Variants in ZC3H7B observed in about 807,000 individuals in gnomAD.
ZC3H7B encodes the protein zinc finger CCCH domain-containing protein 7B.
Under a neutral mutation model 116.0 loss-of-function variants are expected in ZC3H7B, and 35 were observed. The ratio of observed to expected loss-of-function variants is 0.30; its 90% CI spans 0.23 to 0.40. The LOEUF (loss-of-function observed/expected upper bound fraction) is 0.40. Among genes scored for constraint, ZC3H7B ranks in the 10% least tolerant of loss-of-function variants. ZC3H7B has a pLI of 1.00. For missense variants in ZC3H7B, 1,011 were observed against 1,321.5 expected (o/e 0.77, Z 3.64); for synonymous variants, 502 against 545.6 (o/e 0.92, Z 1.11).
In ZC3H7B at chr22:41,338,228, C is replaced by G; in HGVS notation, c.583-85C>G. 2 of 1,436,386 alleles carry G rather than the reference C, an allele frequency of 1.4e-6. No individual in the cohort carries two copies. The highest frequency in any genetic ancestry group is 1.9e-6 in the Non-Finnish European group (2 of 1,043,138). 89.0% of individuals were successfully genotyped at this position (1,436,386 alleles called of 1,614,324 possible). A position where few individuals can be genotyped will look rare whatever the true frequency, so the allele number is the denominator to read the frequency against. On this transcript the variant is annotated intron_variant, in intron 7 of 22. Transcript: ENST00000352645. The surrounding 1 kb of genome is among the most constrained non-coding windows in gnomAD (Gnocchi z 4.5). ...GTGCTCCTCGGTGCTGGGTCAACAG[C>G]ATAGTCACGTGGGGAGGGGCTGGTG...
At chr22:41,314,514 C>T (rs2036156256) in intron 1 of ZC3H7B, among the ~76,000 whole-genome samples, 1 of 151,962 alleles carries the variant, frequency 6.6e-6, no homozygotes, top group African/African-American at 2.4e-5. Flanking sequence ...TCTTGAACTC[C>T]TGGGATCAAG....
At chr22:41,331,326 G>A (rs1209413581) in intron 6 of ZC3H7B, among the ~76,000 whole-genome samples, 2 of 149,250 alleles carry the variant, frequency 1.3e-5, no homozygotes, top group Admixed American at 6.7e-5. Context: ...CGCGGTGGGA[G>A]GATCACGAGG....
rs574749445 is a variant in ZC3H7B, at chr22:41,302,356, G to T, written c.-7+584G>T. On this transcript the variant is annotated intron_variant, in intron 1 of 22. Transcript: ENST00000352645. This position sits in a 1 kb window ranked among gnomAD's most constrained non-coding sequence, Gnocchi z 5.7. ...GCCCGGGGATCCGGGGCCTGCAGCC[G>T]GGCCCGCGGGAAGGGGGCGGCAGGA... Among the ~76,000 whole-genome samples the T allele has an allele frequency of 5.9e-3, 900 of 152,018 alleles. 4 individuals are homozygous for T. The highest frequency in any genetic ancestry group is 0.021 in the African/African-American group (865 of 41,512).
Position 41,359,255 on chromosome 22 carries a change from G to C in ZC3H7B, c.*1826G>C, listed in dbSNP as rs1042493574. ...TCCGTTGTCACCAGCCTTGTTTCTA[G>C]TGTGTATATATGTCGCCCCCGTGAT... On this transcript the variant is annotated 3_prime_UTR_variant, in exon 23 of 23. Coordinates refer to ENST00000352645, the MANE Select transcript of ZC3H7B (RefSeq NM_017590.6). 2 of 152,720 alleles carry C rather than the reference G, an allele frequency of 1.3e-5. No homozygotes were observed. Among genetic ancestry groups the C allele is most frequent in the Non-Finnish European group, 2.9e-5 (2 of 68,102 alleles). The allele number at this position is 152,720 out of a possible 1,614,324, so 9.5% of individuals were successfully genotyped here. A position where few individuals can be genotyped will look rare whatever the true frequency, so the allele number is the denominator to read the frequency against.
chr22:41,344,013 T>C (rs2036555767), intron 13 of ZC3H7B, among the ~76,000 whole-genome samples: 1 of 152,232 alleles, frequency 6.6e-6, no homozygotes, highest in Admixed American at 6.5e-5. Context: ...CTGTTGTCAC[T>C]GTCCTCATTT....
Position 41,360,038 on chromosome 22 carries a change from T to G in ZC3H7B, c.*2609T>G, listed in dbSNP as rs1464058651. On this transcript the variant is annotated 3_prime_UTR_variant, in exon 23 of 23. Coordinates refer to ENST00000352645, the MANE Select transcript of ZC3H7B (RefSeq NM_017590.6). ...TTAAATATTCATAAGGTCTAGTATC[T>G]TGATAATAATGTAGATGTTTTAATA... 1.3e-5 allele frequency: 2 copies of G among 152,528 alleles called. No homozygotes were observed. Among genetic ancestry groups the G allele is most frequent in the Non-Finnish European group, 2.9e-5 (2 of 68,034 alleles). The allele number at this position is 152,528 out of a possible 1,614,324, so 9.4% of individuals were successfully genotyped here. A position where few individuals can be genotyped will look rare whatever the true frequency, so the allele number is the denominator to read the frequency against.
chr22:41,345,094 C>T (rs116986744), intron 13 of ZC3H7B, among the ~76,000 whole-genome samples: 2,108 of 152,282 alleles, frequency 0.014, 25 homozygotes, highest in Non-Finnish European at 0.02. Flanking sequence ...GGATTACAGG[C>T]ATGAGCCACC....
rs1255832424 is a variant in ZC3H7B at position 41,359,606 on chromosome 22, C to T, written c.*2177C>T. The T allele has an allele frequency of 1.3e-5, 2 of 152,192 alleles. No homozygotes were observed. Among genetic ancestry groups the T allele is most frequent in the Non-Finnish European group, 2.9e-5 (2 of 68,096 alleles). 9.4% of individuals were successfully genotyped at this position (152,192 alleles called of 1,614,324 possible). A position where few individuals can be genotyped will look rare whatever the true frequency, so the allele number is the denominator to read the frequency against. On this transcript the variant is annotated 3_prime_UTR_variant, in exon 23 of 23. Transcript: ENST00000352645. ...AGAAGGTGATTTGTATTTGTCTCCC[C>T]GCTGAAAAGAACAGGATTCAAGTCC...
chr22:41,303,773 T>C (rs1342945798), intron 1 of ZC3H7B, among the ~76,000 whole-genome samples: 1 of 152,226 alleles, frequency 6.6e-6, no homozygotes, highest in East Asian at 1.9e-4. Context: ...ATTTTACTTT[T>C]TTGAGACGGA....
chr22:41,347,923 C>T (rs2036608101), intron 14 of ZC3H7B, 144 bp from the exon 15 acceptor site: 3 of 682,614 alleles, frequency 4.4e-6, no homozygotes, highest in Non-Finnish European at 5.2e-6. Context: ...ACCACAGACC[C>T]TGGGATTCCC....
At chr22:41,348,992 C>T in intron 15 of ZC3H7B, 128 bp from the exon 16 acceptor site, 2 of 1,043,566 alleles carry the variant, frequency 1.9e-6, no homozygotes, top group Non-Finnish European at 2.8e-6. Context: ...TCATCCATGG[C>T]CTGGATTTGG....
intron 1 of ZC3H7B, among the ~76,000 whole-genome samples, chr22:41,320,331 CAAAAAAA>C (rs74353356): frequency 1.2e-5 from 1 of 86,450 alleles, no homozygotes. Flanking sequence ...ACTCTGTATC[CAAAAAAA>C]AAAAAAAAAA....
At position 41,346,339 on chromosome 22, in the gene ZC3H7B, A is replaced by G; in HGVS notation, c.1665+131A>G. The G allele has an allele frequency of 3.0e-6, 3 of 990,418 alleles. No homozygotes were observed. Among genetic ancestry groups the G allele is most frequent in the Non-Finnish European group, 4.5e-6 (3 of 669,826 alleles). The allele number at this position is 990,418 out of a possible 1,614,324, so 61.4% of individuals were successfully genotyped here. A position where few individuals can be genotyped will look rare whatever the true frequency, so the allele number is the denominator to read the frequency against. ...GCTGTGGAGGCCTGGTCTTAGAACC[A>G]GTAGGTCCTGGAGGGTCAGTAAGTC... On this transcript the variant is annotated intron_variant, in intron 14 of 22. Transcript: ENST00000352645. This position sits in a 1 kb window ranked among gnomAD's most constrained non-coding sequence, Gnocchi z 5.3.
chr22:41,352,010 G>A (rs1273491510), intron 17 of ZC3H7B, among the ~76,000 whole-genome samples: 3 of 152,078 alleles, frequency 2.0e-5, no homozygotes, highest in African/African-American at 4.8e-5. Context: ...TTTTAAGACC[G>A]TGGGTCTGGG....
chr22:41,325,426 TAGG>T (rs1258383260), intron 2 of ZC3H7B, 135 bp from the exon 3 acceptor site: 11 of 1,138,960 alleles, frequency 9.7e-6, no homozygotes, highest in Non-Finnish European at 1.4e-5. Flanking sequence ...GGCAATGATT[TAGG>T]AGAAGAAAAC....
At chr22:41,322,708 A>C (rs2036272808) in intron 2 of ZC3H7B, among the ~76,000 whole-genome samples, 1 of 152,192 alleles carries the variant, frequency 6.6e-6, no homozygotes, top group African/African-American at 2.4e-5. Flanking sequence ...TTTTTCTTAA[A>C]TAGGGCTCCC....
At chr22:41,333,175 C>T (rs1415231941) in intron 7 of ZC3H7B, 1 of 152,310 alleles carries the variant, frequency 6.6e-6, no homozygotes, top group Non-Finnish European at 1.5e-5. Context: ...CTCCCTCCTC[C>T]AGAGCTTTGC....
At chr22:41,343,803 G>A (rs2036553105) in intron 13 of ZC3H7B, among the ~76,000 whole-genome samples, 2 of 152,328 alleles carry the variant, frequency 1.3e-5, no homozygotes, top group East Asian at 3.9e-4. Context: ...GGACACATTT[G>A]GGACATTCAG....
rs761977340 is a variant in ZC3H7B, at chr22:41,338,269, G to C, written c.583-44G>C. 15 of 1,602,588 alleles carry C rather than the reference G, an allele frequency of 9.4e-6. No individual in the cohort carries two copies. Among genetic ancestry groups the C allele is most frequent in the Admixed American group, 1.7e-5 (1 of 58,794 alleles). On this transcript the variant is annotated intron_variant, in intron 7 of 22. Transcript: ENST00000352645. This position sits in a 1 kb window ranked among gnomAD's most constrained non-coding sequence, Gnocchi z 4.5. ...GGGGCTGGTGCTGGGTGCTGGGATC[G>C]GGGCCTTCCCAGCCACAGCGCCACT...
Sources: gnomAD v4.1 joint callset for allele counts (sites outside exome capture counted in the v4.1 genomes callset) on GRCh38, gnomAD v4.1.1 for gene constraint, Gnocchi (gnomAD v3.1) non-coding constraint, MANE v1.5 for transcripts, NCBI Gene and HGNC (gene_info 2026-07-23, HGNC 2026-07-21) for gene names.